Variants in ULK1 observed in about 807,000 individuals in gnomAD.
ULK1 encodes unc-51 like autophagy activating kinase 1.
Under a neutral mutation model 117.5 loss-of-function variants are expected in ULK1, and 48 were observed. That is an observed-to-expected ratio of 0.41 (90% CI 0.32 to 0.52). ULK1 has a LOEUF of 0.52. ULK1 is among the 20% of genes least tolerant of loss of function. The pLI is 0.29. For synonymous variants in ULK1, 790 were observed against 637.8 expected (o/e 1.24, Z -3.60); for missense variants, 1,387 against 1,473.4 (o/e 0.94, Z 0.96).
rs533854106 is a variant in ULK1, at chr12:131,922,276, G to A, written c.*915G>A. The stretch of plus-strand genomic sequence containing the variant: ...GATGGCACAGGGGCGTGTGGCGGGC[G>A]GGTGAGGCTGCTTTGCACACCTGTG... On this transcript the variant is annotated 3_prime_UTR_variant, in exon 28 of 28. Coordinates refer to ENST00000321867, the MANE Select transcript of ULK1 (RefSeq NM_003565.4). 140 of 349,116 alleles carry A rather than the reference G, an allele frequency of 4.0e-4. No individual in the cohort carries two copies. Among genetic ancestry groups the A allele is most frequent in the South Asian group, 1.7e-3 (80 of 46,698 alleles). 21.6% of individuals were successfully genotyped at this position (349,116 alleles called of 1,614,324 possible).
chr12:131,909,077 G>T, intron 7 of ULK1, 59 bp from the exon 8 acceptor site: 7 of 1,604,942 alleles, frequency 4.4e-6, no homozygotes, highest in Non-Finnish European at 5.9e-6. Context: ...TGGCCTGGCG[G>T]GCACCTTCTG....
chr12:131,909,665 G>T, intron 8 of ULK1, 110 bp from the exon 9 acceptor site: 1 of 1,182,104 alleles, frequency 8.5e-7, no homozygotes, highest in South Asian at 1.6e-5. Context: ...TTTCCCCCGG[G>T]CTTCGCAGCG....
chr12:131,921,537 A>G lies in ULK1; in HGVS notation c.*176A>G, dbSNP rs1890151647. On this transcript the variant is annotated 3_prime_UTR_variant, in exon 28 of 28. Transcript: ENST00000321867. ...CTGCAGCTCACGGGGCAGAACCAGC[A>G]CATCTGGAGCCACACAGCTTGGGGG... is the stretch of plus-strand genomic sequence containing the variant. The G allele has an allele frequency of 1.1e-6, 1 of 889,926 alleles. No individual in the cohort carries two copies. The highest frequency in any genetic ancestry group is 1.8e-6 in the Non-Finnish European group (1 of 570,222). 55.1% of individuals were successfully genotyped at this position (889,926 alleles called of 1,614,324 possible).
In ULK1 at chr12:131,921,214, GAC is replaced by G. The variant is rs1890135409; in HGVS notation, c.3078_3079del (p.Ile1027ArgfsTer11). On this transcript the variant is annotated frameshift_variant, in exon 27 of 28. Transcript: ENST00000321867. LOFTEE classifies it high-confidence loss of function. ...GLQHMLSDQA[D>X]IENVTKCKLC... ...GCAGCACATGCTCTCGGACCAGGCC[GAC>G]ATCGAGAACGTCACCAAGTGTGAGT... 1 of 1,606,908 alleles carries G rather than the reference GAC, an allele frequency of 6.2e-7. No homozygotes were observed. Among genetic ancestry groups the G allele is most frequent in the South Asian group, 1.1e-5 (1 of 91,086 alleles).
rs1193448666 is a variant in ULK1 at position 131,922,804 on chromosome 12, T to A, written c.*1443T>A. 5 of 152,554 alleles carry A rather than the reference T, an allele frequency of 3.3e-5. No individual in the cohort carries two copies. The highest frequency in any genetic ancestry group is 3.3e-4 in the Admixed American group (5 of 15,286). The allele number at this position is 152,554 out of a possible 1,614,324, so 9.5% of individuals were successfully genotyped here. On this transcript the variant is annotated 3_prime_UTR_variant, in exon 28 of 28. Coordinates refer to ENST00000321867, the MANE Select transcript of ULK1 (RefSeq NM_003565.4). ...TGAAATATTGCCACTGTGCTTGGAC[T>A]TAGAAGAAGAAAATCCCCGTGACTT...
intron 5 of ULK1, 33 bp from the exon 6 acceptor site, chr12:131,908,610 CG>C: frequency 6.9e-7 from 1 of 1,440,634 alleles, no homozygotes; most frequent in Non-Finnish European, 9.1e-7. Flanking sequence ...GGAGGAAACA[CG>C]GCCCCCAGGC....
chr12:131,908,602 A>T (rs1185719964), intron 5 of ULK1, 42 bp from the exon 6 acceptor site: 3 of 1,430,044 alleles, frequency 2.1e-6, no homozygotes, highest in Non-Finnish European at 2.7e-6. Context: ...CCCCTGGGGG[A>T]GGAAACACGG....
At chr12:131,911,887 C>T in intron 12 of ULK1, 55 bp from the exon 13 acceptor site, 1 of 1,611,746 alleles carries the variant, frequency 6.2e-7, no homozygotes. Context: ...GAATTTGCTC[C>T]CCTGAGTGTG....
chr12:131,921,254 TG>T lies in ULK1; in HGVS notation c.3097+24del. ...ACCAAGTGTGAGTGCCCGGCTGGGC[TG>T]GGGGCTGGGGACTCTGGGCGTCTCC... is the stretch of plus-strand genomic sequence containing the variant. On this transcript the variant is annotated intron_variant, in intron 27 of 27. Transcript: ENST00000321867. The T allele has an allele frequency of 6.2e-7, 1 of 1,607,726 alleles. No homozygotes were observed. Among genetic ancestry groups the T allele is most frequent in the Middle Eastern group, 1.7e-4 (1 of 6,060 alleles).
At chr12:131,920,192 T>C (rs951287573) in intron 26 of ULK1, 56 bp downstream of exon 26, 68 of 1,584,332 alleles carry the variant, frequency 4.3e-5, no homozygotes, top group Non-Finnish European at 5.6e-5. Context: ...AGGCCCGCCG[T>C]CTCCACTGGG....
intron 1 of ULK1, 47 bp from the exon 2 acceptor site, chr12:131,895,554 C>A (rs1454300432): frequency 1.3e-6 from 2 of 1,530,310 alleles, no homozygotes; most frequent in Non-Finnish European, 9.0e-7. Context: ...CTGGGGGAGG[C>A]CTGCGAGGGG....
intron 13 of ULK1, 23 bp from the exon 14 acceptor site, chr12:131,913,175 C>T: frequency 6.4e-7 from 1 of 1,556,910 alleles, no homozygotes; most frequent in Non-Finnish European, 8.6e-7. Context: ...GGACTCCAGG[C>T]CCAGCCTTGT....
intron 13 of ULK1, among the ~76,000 whole-genome samples, chr12:131,912,937 G>A (rs998912124): frequency 1.3e-5 from 2 of 152,190 alleles, no homozygotes; most frequent in Non-Finnish European, 2.9e-5. Context: ...CTCTGGGGCT[G>A]AGGAGACAGG....
At chr12:131,918,455 T>C in intron 22 of ULK1, 42 bp from the exon 23 acceptor site, 1 of 1,579,170 alleles carries the variant, frequency 6.3e-7, no homozygotes, top group Non-Finnish European at 8.6e-7. Context: ...GGCCACGGTG[T>C]CTGCTGGTCC....
rs886442605 is a variant in ULK1, at chr12:131,916,464, C to A, written c.1945C>A (p.Gln649Lys). 3.1e-6 allele frequency: 5 copies of A among 1,611,850 alleles called. No individual in the cohort carries two copies. Among genetic ancestry groups the A allele is most frequent in the Non-Finnish European group, 3.4e-6 (4 of 1,179,572 alleles). Residue 649 changes from glutamine to lysine, a missense_variant, in exon 20 of 28, where the codon CAG becomes AAG. Physicochemically the swap from Gln to Lys is moderately conservative, Grantham distance 53. Coordinates refer to ENST00000321867, the MANE Select transcript of ULK1 (RefSeq NM_003565.4). ...SQNLLALLARQGVVMTPPRNR... is the reference protein window; with the variant it reads ...SQNLLALLARKGVVMTPPRNR... ...GAACCTGCTGGCCCTCCTAGCCCGG[C>A]AGGGCGTGGTGATGACGCCCCCTCG...
At chr12:131,917,616 G>A (rs569587736) in intron 22 of ULK1, 62 bp downstream of exon 22, 342 of 1,311,602 alleles carry the variant, frequency 2.6e-4, no homozygotes, top group South Asian at 8.6e-4. Flanking sequence ...CCTAGCGGAC[G>A]GGGGCATCCT....
rs957338823 is a variant in ULK1, at chr12:131,906,635, C to T, written c.247-257C>T. On this transcript the variant is annotated intron_variant, in intron 3 of 27. Coordinates refer to ENST00000321867, the MANE Select transcript of ULK1 (RefSeq NM_003565.4). ...CCCTTCCTGCTAGGGGGTATGTCCT[C>T]TGCCAGGAGCTGTTGCTCTTATGGG... 5 of 564,882 alleles carry T rather than the reference C, an allele frequency of 8.9e-6. No individual in the cohort carries two copies. In the African/African-American group the frequency reaches 9.5e-5, roughly 11 times the overall value. The allele number at this position is 564,882 out of a possible 1,614,324, so 35.0% of individuals were successfully genotyped here. A position where few individuals can be genotyped will look rare whatever the true frequency, so the allele number is the denominator to read the frequency against.
At chr12:131,899,103 G>A (rs975354808) in intron 3 of ULK1, among the ~76,000 whole-genome samples, 2 of 151,546 alleles carry the variant, frequency 1.3e-5, no homozygotes, top group Admixed American at 6.6e-5. Context: ...GATCTTGAAC[G>A]CCGGACCTCA....
rs766577504 is a variant in ULK1 at position 131,915,879 on chromosome 12, GTC to G, written c.1610-4_1610-3del. On this transcript the variant is annotated splice_polypyrimidine_tract_variant and intron_variant, in intron 18 of 27. Transcript: ENST00000321867. ...GGACCGGAAGGTCGTGACGAGGCGT[GTC>G]TCTCTCTAGGCTCCTCTGCACCCGA... 31 of 1,608,270 alleles carry G rather than the reference GTC, an allele frequency of 1.9e-5. No individual in the cohort carries two copies. The highest frequency in any genetic ancestry group is 2.5e-5 in the Non-Finnish European group (29 of 1,179,672).
Sources: allele counts gnomAD v4.1 joint callset (sites outside exome capture counted in the v4.1 genomes callset), GRCh38; gene constraint gnomAD v4.1.1; transcripts MANE v1.5; gene names NCBI Gene and HGNC (gene_info 2026-07-23, HGNC 2026-07-21).